SLF1: variants seen among roughly 807,000 people sequenced by gnomAD.
SLF1 encodes the protein SMC5/6 complex localization factor 1.
SLF1 carries 105 observed loss-of-function variants against 123.0 expected under a neutral mutation model. That is an observed-to-expected ratio of 0.85 (90% CI 0.73 to 1.00). The LOEUF is 1.00. Ranked by LOEUF, SLF1 falls within the 50% of genes least tolerant of loss-of-function variation. The pLI, the probability that SLF1 is intolerant of heterozygous loss-of-function variation, is 0.00. For missense variants in SLF1, 1,239 were observed against 1,223.0 expected (o/e 1.01, Z -0.20); for synonymous variants, 434 against 406.6 (o/e 1.07, Z -0.81).
At chr5:94,662,392 G>T (rs1487302507) in intron 10 of SLF1, 41 bp downstream of exon 10, 2 of 1,468,460 alleles carry the variant, frequency 1.4e-6, no homozygotes, top group Admixed American at 2.3e-5. Flanking sequence ...GGGCAAAGAA[G>T]AAGTTTTGTG....
chr5:94,630,799 G>C (rs1461804831), intron 4 of SLF1, 56 bp downstream of exon 4: 3 of 1,504,442 alleles, frequency 2.0e-6, no homozygotes, highest in Non-Finnish European at 2.7e-6. Context: ...ATTTTGATTT[G>C]CATGAGTACT....
chr5:94,623,977 A>C (rs1205444022), intron 1 of SLF1, among the ~76,000 whole-genome samples: 1 of 152,186 alleles, frequency 6.6e-6, no homozygotes, highest in Non-Finnish European at 1.5e-5. Context: ...GCTGTAAAAA[A>C]GCATTGCTAA....
intron 1 of SLF1, among the ~76,000 whole-genome samples, chr5:94,627,814 C>T (rs1476419539): frequency 6.6e-6 from 1 of 151,038 alleles, no homozygotes; most frequent in Non-Finnish European, 1.5e-5. Flanking sequence ...GTTTCAAAAG[C>T]TCTTAGCGAA....
intron 15 of SLF1, among the ~76,000 whole-genome samples, chr5:94,686,291 A>G (rs1752424782): frequency 6.6e-6 from 1 of 152,236 alleles, no homozygotes; most frequent in African/African-American, 2.4e-5. Flanking sequence ...ATATTCATAT[A>G]TTACCTAATC....
At chr5:94,629,291 G>GA in intron 3 of SLF1, 124 bp downstream of exon 3, 1 of 671,966 alleles carries the variant, frequency 1.5e-6, no homozygotes, top group Non-Finnish European at 2.2e-6. Flanking sequence ...GATATTTTTT[G>GA]AAAATATTTA....
intron 1 of SLF1, among the ~76,000 whole-genome samples, chr5:94,623,067 C>G (rs1308698168): frequency 6.6e-6 from 1 of 152,006 alleles, no homozygotes; most frequent in African/African-American, 2.4e-5. Flanking sequence ...CAAACATGTT[C>G]TAGCTATGTG....
chr5:94,640,493 T>G (rs985493459), intron 4 of SLF1, among the ~76,000 whole-genome samples: 2 of 152,182 alleles, frequency 1.3e-5, no homozygotes, highest in Non-Finnish European at 2.9e-5. Flanking sequence ...TGATTTATTT[T>G]GCTTGAGGAT....
At chr5:94,646,576 G>C (rs1284149555) in intron 5 of SLF1, among the ~76,000 whole-genome samples, 1 of 152,136 alleles carries the variant, frequency 6.6e-6, no homozygotes, top group East Asian at 1.9e-4. Context: ...TATCTCAATT[G>C]TTTGGCCCAA....
intron 4 of SLF1, among the ~76,000 whole-genome samples, chr5:94,632,254 A>G (rs549372982): frequency 6.6e-6 from 1 of 152,256 alleles, no homozygotes; most frequent in East Asian, 1.9e-4. Flanking sequence ...AGTGATCTCT[A>G]TATCTACCTT....
upstream of SLF1, chr5:94,618,462 A>G (rs1432204807): frequency 1.3e-5 from 2 of 152,702 alleles, no homozygotes; most frequent in African/African-American, 4.8e-5. Context: ...CCAGCCATTA[A>G]TATCAGGCGC....
At chr5:94,663,003 A>G (rs555542256) in intron 10 of SLF1, among the ~76,000 whole-genome samples, 87 of 152,320 alleles carry the variant, frequency 5.7e-4, no homozygotes, top group Non-Finnish European at 9.7e-4. Context: ...GATTCTCCCA[A>G]TCAGTTTTCA....
chr5:94,626,883 A>C (rs1315059058), intron 1 of SLF1, among the ~76,000 whole-genome samples: 4 of 152,292 alleles, frequency 2.6e-5, no homozygotes, highest in African/African-American at 9.6e-5. Context: ...CGAAATGGGG[A>C]GTGATGAAGG....
intron 6 of SLF1, among the ~76,000 whole-genome samples, chr5:94,650,632 G>C (rs965654202): frequency 1.3e-5 from 2 of 152,120 alleles, no homozygotes; most frequent in East Asian, 1.9e-4. Flanking sequence ...CCAAAGTGCT[G>C]GGATTACATA....
chr5:94,642,333 A>G (rs1294165274), intron 4 of SLF1, among the ~76,000 whole-genome samples: 1 of 152,214 alleles, frequency 6.6e-6, no homozygotes, highest in Non-Finnish European at 1.5e-5. Context: ...GGCAAAGAGC[A>G]TGCTAGCGAG....
intron 4 of SLF1, among the ~76,000 whole-genome samples, chr5:94,634,538 A>G (rs1335054948): frequency 1.3e-5 from 2 of 152,154 alleles, no homozygotes; most frequent in African/African-American, 4.8e-5. Flanking sequence ...ATATTATTCT[A>G]TTTGTGTATA....
intron 11 of SLF1, 148 bp downstream of exon 11, chr5:94,664,056 ACTGTT>A: frequency 1.5e-6 from 1 of 678,060 alleles, no homozygotes; most frequent in Non-Finnish European, 2.3e-6. Context: ...ATTTATTACT[ACTGTT>A]CTGTTTTCCA....
chr5:94,623,735 T>A (rs1791995598), intron 1 of SLF1, among the ~76,000 whole-genome samples: 1 of 152,160 alleles, frequency 6.6e-6, no homozygotes, highest in Non-Finnish European at 1.5e-5. Flanking sequence ...ATTGTCTGGG[T>A]TATTGATATA....
rs1233148776 is a variant in SLF1 at position 94,695,054 on chromosome 5, T to G, written c.2919T>G (p.Ser973=). The G allele has an allele frequency of 1.2e-6, 2 of 1,612,410 alleles. No homozygotes were observed. Among genetic ancestry groups the G allele is most frequent in the Non-Finnish European group, 1.7e-6 (2 of 1,179,142 alleles). Residue 973 remains serine, a synonymous_variant, in exon 21 of 21, where the codon TCT becomes TCG. Coordinates refer to ENST00000265140, the MANE Select transcript of SLF1 (RefSeq NM_032290.4). ...LLNFCSIFDL[S]SEFILASKGL... ...ATTTTTGTTCAATTTTTGATTTATC[T>G]TCAGAGTTCATTTTAGCTTCCAAAG... is the stretch of plus-strand genomic sequence containing the variant.
At chr5:94,648,805 T>G (rs1747360788) in intron 5 of SLF1, among the ~76,000 whole-genome samples, 1 of 152,238 alleles carries the variant, frequency 6.6e-6, no homozygotes. Flanking sequence ...AAGTACATTT[T>G]GGGAACTGTC....
Sources: gnomAD v4.1 joint callset for allele counts (sites outside exome capture counted in the v4.1 genomes callset) on GRCh38, gnomAD v4.1.1 for gene constraint, MANE v1.5 for transcripts, NCBI Gene and HGNC (gene_info 2026-07-23, HGNC 2026-07-21) for gene names.